Variants in TRIM69 observed in about 807,000 individuals in gnomAD.
TRIM69 encodes tripartite motif containing 69.
A neutral mutation model predicts 37.7 loss-of-function variants in TRIM69; 29 were observed. That is an observed-to-expected ratio of 0.77 (90% CI 0.57 to 1.05). The LOEUF (loss-of-function observed/expected upper bound fraction) is 1.05, where lower values mean the gene tolerates loss of function less well. TRIM69 is among the 50% of genes least tolerant of loss of function. TRIM69 has a pLI of 0.00. For missense variants in TRIM69, 596 were observed against 579.9 expected, an observed-to-expected ratio of 1.03 and a Z score of -0.28; for synonymous variants, 209 against 212.4, an observed-to-expected ratio of 0.98 and a Z score of 0.14.
chr15:44,755,692 G>T (rs1210657793), intron 2 of TRIM69, among the ~76,000 whole-genome samples: 1 of 152,188 alleles, frequency 6.6e-6, no homozygotes, highest in Non-Finnish European at 1.5e-5. Flanking sequence ...TCAAAATTTG[G>T]TTAAGTTTAA....
intron 1 of TRIM69, among the ~76,000 whole-genome samples, chr15:44,745,346 TAC>T (rs763373532): frequency 5.3e-5 from 8 of 152,112 alleles, no homozygotes; most frequent in Non-Finnish European, 1.2e-4. Flanking sequence ...TGACGAAGAA[TAC>T]AGACTTTACA....
intron 1 of TRIM69, among the ~76,000 whole-genome samples, chr15:44,737,756 T>C (rs1596009822): frequency 6.6e-6 from 1 of 152,210 alleles, no homozygotes; most frequent in African/African-American, 2.4e-5. Flanking sequence ...TTTGTCTCTG[T>C]GGATGAACTG....
intron 6 of TRIM69, 125 bp downstream of exon 6, chr15:44,759,997 A>C: frequency 9.3e-7 from 1 of 1,079,998 alleles, no homozygotes; most frequent in Non-Finnish European, 1.3e-6. Context: ...GTTTGGCCAA[A>C]AGGAGGCTAG....
chr15:44,759,803 A>G lies in TRIM69; in HGVS notation c.892A>G (p.Asn298Asp). ...ATRELISRKL[N>D]LGQYKGPIQY... ...CAGAGAGCTTATTTCCAGAAAGCTG[A>G]ACCTGGGCCAGTACAAAGGTCCTAT... is the stretch of plus-strand genomic sequence containing the variant. Residue 298 changes from asparagine (N) to aspartate (D), a missense_variant, in exon 6 of 7, where the codon AAC becomes GAC. Physicochemically the swap from Asn to Asp is conservative, Grantham distance 23 (BLOSUM62 1). Coordinates refer to ENST00000329464, the MANE Select transcript of TRIM69 (RefSeq NM_182985.5). The G allele has an allele frequency of 6.2e-7, 1 of 1,614,202 alleles. No individual in the cohort carries two copies. Among genetic ancestry groups the G allele is most frequent in the Non-Finnish European group, 8.5e-7 (1 of 1,180,032 alleles).
intron 1 of TRIM69, among the ~76,000 whole-genome samples, chr15:44,748,556 G>A (rs1193493845): frequency 6.6e-6 from 1 of 151,940 alleles, no homozygotes. Flanking sequence ...TGGGCGTGGT[G>A]GCTCATGCCT....
chr15:44,760,642 T>A (rs2087754865), intron 6 of TRIM69, among the ~76,000 whole-genome samples: 1 of 152,112 alleles, frequency 6.6e-6, no homozygotes, highest in Non-Finnish European at 1.5e-5. Flanking sequence ...ATAGTTAACA[T>A]AGAGTAAAAT....
rs2087739481 is a variant in TRIM69 at position 44,759,892 on chromosome 15, A to G, written c.961+20A>G. On this transcript the variant is annotated intron_variant, in intron 6 of 6. Coordinates refer to ENST00000329464, the MANE Select transcript of TRIM69 (RefSeq NM_182985.5). The stretch of plus-strand genomic sequence containing the variant: ...GCCCAGGTATCAGTGGGTAGTAACT[A>G]TTGGTTCTTGAGGCTCCTAATCTAC... The G allele has an allele frequency of 1.2e-6, 2 of 1,601,476 alleles. No homozygotes were observed.
At chr15:44,739,191 C>G (rs1164251531) in intron 1 of TRIM69, among the ~76,000 whole-genome samples, 1 of 152,192 alleles carries the variant, frequency 6.6e-6, no homozygotes, top group Non-Finnish European at 1.5e-5. Context: ...CCTCTTTGCC[C>G]TGCCTTGGTA....
At chr15:44,759,569 C>A in intron 4 of TRIM69, 71 bp from the exon 5 acceptor site, 1 of 1,532,218 alleles carries the variant, frequency 6.5e-7, no homozygotes, top group Non-Finnish European at 8.9e-7. Flanking sequence ...CTGGTGGTGG[C>A]TGGTATCACC....
chr15:44,744,914 G>A lies in TRIM69; in HGVS notation c.6+8204G>A, dbSNP rs187213020. Among the ~76,000 whole-genome samples, 171 of 152,186 alleles carry A rather than the reference G, an allele frequency of 1.1e-3. 2 individuals carry two copies. Among genetic ancestry groups the A allele is most frequent in the African/African-American group, 3.6e-3 (149 of 41,526 alleles). ...AATGTTTTTATTGCTGCCACCTGGG[G>A]AAAGGCATAATAGTTGGGGCAAACA... On this transcript the variant is annotated intron_variant, in intron 1 of 6. Transcript: ENST00000329464.
chr15:44,740,050 C>T (rs1430850001), intron 1 of TRIM69, among the ~76,000 whole-genome samples: 1 of 152,150 alleles, frequency 6.6e-6, no homozygotes, highest in Non-Finnish European at 1.5e-5. Context: ...GAGGAATGAT[C>T]GACAGCAGCA....
At chr15:44,762,555 A>C (rs964830833) in intron 6 of TRIM69, among the ~76,000 whole-genome samples, 6 of 151,836 alleles carry the variant, frequency 4.0e-5, no homozygotes, top group African/African-American at 1.5e-4. Flanking sequence ...GTACTTTTTT[A>C]GCCTTTTTTC....
intron 4 of TRIM69, among the ~76,000 whole-genome samples, chr15:44,759,264 G>A (rs1380216418): frequency 2.6e-5 from 4 of 152,202 alleles, no homozygotes. Flanking sequence ...CTCTAAAGAA[G>A]CGTTGGTTAC....
chr15:44,762,543 C>A (rs955067206), intron 6 of TRIM69, among the ~76,000 whole-genome samples: 1 of 151,906 alleles, frequency 6.6e-6, no homozygotes, highest in Non-Finnish European at 1.5e-5. Context: ...CATCGATATT[C>A]AGTACTTTTT....
intron 1 of TRIM69, among the ~76,000 whole-genome samples, chr15:44,747,739 A>G (rs1345255985): frequency 6.6e-6 from 1 of 152,210 alleles, no homozygotes; most frequent in Non-Finnish European, 1.5e-5. Context: ...TATGGAGCAA[A>G]GGGCTACAGA....
At chr15:44,747,648 C>T (rs935658280) in intron 1 of TRIM69, among the ~76,000 whole-genome samples, 3 of 152,040 alleles carry the variant, frequency 2.0e-5, no homozygotes, top group Admixed American at 2.0e-4. Flanking sequence ...GAGAAGATGG[C>T]CGTATTAGGT....
chr15:44,744,716 A>G (rs1187831068), intron 1 of TRIM69, among the ~76,000 whole-genome samples: 1 of 152,154 alleles, frequency 6.6e-6, no homozygotes, highest in Non-Finnish European at 1.5e-5. Context: ...CTACAGGTAC[A>G]TAGTACAAGT....
chr15:44,736,816 G>A, intron 1 of TRIM69, 106 bp downstream of exon 1: 1 of 1,350,436 alleles, frequency 7.4e-7, no homozygotes, highest in Non-Finnish European at 1.0e-6. Context: ...GGAAATTCAT[G>A]AAGGGAAGTA....
Position 44,755,034 on chromosome 15 carries a change from G to C in TRIM69, c.141G>C (p.Trp47Cys). ...TACACTGCCCTCTGTGCAATGATTG[G>C]TTCCGAGACCCACTGATGCTAAGCT... ...MELHCPLCND[W>C]FRDPLMLSCG... The change falls in exon 2 of 7, where the codon TGG becomes TGC. Residue 47 changes from tryptophan to cysteine, a missense_variant. By Grantham distance (215) the Trp-to-Cys change is radical (BLOSUM62 -2). Coordinates refer to ENST00000329464, the MANE Select transcript of TRIM69 (RefSeq NM_182985.5). 1 of 1,614,162 alleles carries C rather than the reference G, an allele frequency of 6.2e-7. No homozygotes were observed. The highest frequency in any genetic ancestry group is 8.5e-7 in the Non-Finnish European group (1 of 1,180,028).
Sources: gnomAD v4.1 joint callset for allele counts (sites outside exome capture counted in the v4.1 genomes callset) on GRCh38, gnomAD v4.1.1 for gene constraint, MANE v1.5 for transcripts, NCBI Gene and HGNC (gene_info 2026-07-23, HGNC 2026-07-21) for gene names.